Variants in CFAP251 observed in about 807,000 individuals in gnomAD.
CFAP251 encodes the protein cilia and flagella associated protein 251.
In CFAP251, 93 loss-of-function variants were observed where a neutral mutation model predicts 126.7. The observed-to-expected ratio is 0.73, with a 90% CI of 0.62 to 0.87. CFAP251 has a LOEUF of 0.87. Ranked by LOEUF, CFAP251 falls within the 40% of genes least tolerant of loss-of-function variation. The probability of loss-of-function intolerance (pLI) is 0.00; values close to 1 mark genes in which losing one functional copy is unlikely to be tolerated. For synonymous variants in CFAP251, 503 were observed against 506.9 expected, an observed-to-expected ratio of 0.99 and a Z score of 0.10; for missense variants, 1,287 against 1,389.2, an observed-to-expected ratio of 0.93 and a Z score of 1.17.
At chr12:121,940,544 A>G (rs144864606) in intron 5 of CFAP251, among the ~76,000 whole-genome samples, 2 of 152,094 alleles carry the variant, frequency 1.3e-5, no homozygotes, top group South Asian at 4.1e-4. Flanking sequence ...AAACAAACAA[A>G]CAAACAAAAA....
chr12:121,928,636 ACGTATATATATATATATATACG>A (rs754200651), intron 3 of CFAP251, among the ~76,000 whole-genome samples: 30,485 of 106,914 alleles, frequency 0.29, 5,312 homozygotes, highest in East Asian at 0.56. Flanking sequence ...GTATATATAT[ACGTATATATATATATATATACG>A]TATATATATA....
intron 5 of CFAP251, among the ~76,000 whole-genome samples, chr12:121,937,645 G>A (rs561056617): frequency 2.0e-5 from 3 of 152,242 alleles, no homozygotes; most frequent in African/African-American, 7.2e-5. Flanking sequence ...GGGTGGGGAG[G>A]GAAGAGTTCA....
intron 19 of CFAP251, among the ~76,000 whole-genome samples, chr12:121,994,158 G>A (rs1451580461): frequency 6.1e-5 from 6 of 98,226 alleles, no homozygotes; most frequent in African/African-American, 2.5e-4. Flanking sequence ...GAGGTGGGGG[G>A]GGTCAGCCCC....
chr12:121,958,730 CTT>C (rs1358904569), intron 12 of CFAP251, among the ~76,000 whole-genome samples: 1 of 152,044 alleles, frequency 6.6e-6, no homozygotes, highest in African/African-American at 2.4e-5. Flanking sequence ...GATGAGGCGC[CTT>C]CTCTCTGGGG....
At chr12:121,992,390 T>G in intron 19 of CFAP251, 2 of 985,034 alleles carry the variant, frequency 2.0e-6, no homozygotes, top group South Asian at 9.4e-5. Context: ...GAAGAGAGAG[T>G]AAGAGGTGAA....
chr12:121,963,548 C>T (rs953169652), intron 15 of CFAP251, among the ~76,000 whole-genome samples: 1 of 150,862 alleles, frequency 6.6e-6, no homozygotes, highest in Non-Finnish European at 1.5e-5. Flanking sequence ...AGCAGGGAGT[C>T]CACAGCCAGG....
intron 3 of CFAP251, 126 bp downstream of exon 3, chr12:121,924,116 G>GT (rs1365631182): frequency 0.023 from 24,348 of 1,076,760 alleles, 16 homozygotes; most frequent in East Asian, 0.053. Flanking sequence ...TAATAGACTT[G>GT]TGTTTTTTTT....
chr12:121,936,965 A>C (rs1456273446), intron 5 of CFAP251, among the ~76,000 whole-genome samples: 1 of 152,168 alleles, frequency 6.6e-6, no homozygotes, highest in African/African-American at 2.4e-5. Context: ...TCTGGCGTCC[A>C]CCTGGGCTTC....
At chr12:121,985,742 C>T (rs914467521) in intron 19 of CFAP251, among the ~76,000 whole-genome samples, 25 of 151,728 alleles carry the variant, frequency 1.6e-4, no homozygotes, top group African/African-American at 5.3e-4. Flanking sequence ...ACTACAGGCC[C>T]TCCAAACCTG....
At chr12:121,964,453 C>T (rs1309008086) in intron 15 of CFAP251, among the ~76,000 whole-genome samples, 1 of 152,164 alleles carries the variant, frequency 6.6e-6, no homozygotes, top group Non-Finnish European at 1.5e-5. Context: ...GCCTGAAGTT[C>T]CTGCTAACAG....
chr12:121,965,072 A>G (rs756400702), intron 15 of CFAP251, among the ~76,000 whole-genome samples: 1 of 152,212 alleles, frequency 6.6e-6, no homozygotes, highest in African/African-American at 2.4e-5. Context: ...CCTCATAACC[A>G]TGGCTTAATT....
chr12:121,952,420 T>A (rs2948666), intron 9 of CFAP251, among the ~76,000 whole-genome samples: 91,900 of 146,634 alleles, frequency 0.63, 30,759 homozygotes, highest in Non-Finnish European at 0.77. Context: ...ACCCTGTATA[T>A]AAAAAAAAAA....
chr12:121,967,150 C>G, intron 16 of CFAP251, 81 bp downstream of exon 16: 1 of 1,353,208 alleles, frequency 7.4e-7, no homozygotes, highest in East Asian at 2.3e-5. Flanking sequence ...TCACGAGACT[C>G]AGAGAGTTCT....
At chr12:121,962,764 G>A (rs918920570) in intron 15 of CFAP251, among the ~76,000 whole-genome samples, 2 of 152,106 alleles carry the variant, frequency 1.3e-5, no homozygotes, top group African/African-American at 2.4e-5. Context: ...AGGCCTTGGA[G>A]AGCAGGGGAC....
At chr12:121,975,449 A>T in intron 18 of CFAP251, 93 bp from the exon 19 acceptor site, 1 of 1,580,438 alleles carries the variant, frequency 6.3e-7, no homozygotes, top group Non-Finnish European at 8.7e-7. Flanking sequence ...TTCAGCTTAA[A>T]AGGTACTTTC....
At chr12:121,986,581 G>A (rs915769302) in intron 19 of CFAP251, among the ~76,000 whole-genome samples, 4 of 151,384 alleles carry the variant, frequency 2.6e-5, no homozygotes, top group Non-Finnish European at 5.9e-5. Context: ...TTACAGATGT[G>A]AGCCACCGCG....
chr12:121,977,872 T>C (rs1882506000), intron 19 of CFAP251, among the ~76,000 whole-genome samples: 1 of 149,866 alleles, frequency 6.7e-6, no homozygotes, highest in African/African-American at 2.5e-5. Flanking sequence ...GGGAGGAGAA[T>C]GGCGTGAACC....
intron 17 of CFAP251, 89 bp from the exon 18 acceptor site, chr12:121,975,155 C>A: frequency 2.0e-6 from 2 of 1,017,558 alleles, no homozygotes; most frequent in Non-Finnish European, 3.1e-6. Flanking sequence ...TGATACCCTT[C>A]AGAGGGCCGC....
At chr12:121,971,919 A>G (rs1882340946) in intron 17 of CFAP251, 3 of 322,656 alleles carry the variant, frequency 9.3e-6, no homozygotes, top group South Asian at 3.4e-5. Context: ...GTCTCACAAG[A>G]TCTGATGGTT....
Sources: allele counts gnomAD v4.1 joint callset (sites outside exome capture counted in the v4.1 genomes callset), GRCh38; gene constraint gnomAD v4.1.1; transcripts MANE v1.5; gene names NCBI Gene and HGNC (gene_info 2026-07-23, HGNC 2026-07-21).